The following B3GNT8 variants were observed in gnomAD, a reference collection of about 807,000 sequenced individuals.
B3GNT8 encodes UDP-GlcNAc:betaGal beta-1,3-N-acetylglucosaminyltransferase 8, also known as N-acetyllactosaminide beta-1,3-N-acetylglucosaminyltransferase 8.
For synonymous variants in B3GNT8, 258 were observed against 238.3 expected (o/e 1.08, Z -0.76); for missense variants, 502 against 530.5 (o/e 0.95, Z 0.53).
rs368471995 is a variant in B3GNT8 at position 41,426,001 on chromosome 19, G to A, written c.778C>T (p.Leu260=). 7.8e-5 allele frequency: 125 copies of A among 1,611,982 alleles called. No homozygotes were observed. The highest frequency in any genetic ancestry group is 1.0e-4 in the Non-Finnish European group (120 of 1,178,892). Residue 260 remains leucine (L), a synonymous_variant, in exon 2 of 2, where the codon CTG becomes TTG. Transcript: ENST00000691102. The surrounding 1 kb of genome is among the most constrained non-coding windows in gnomAD (Gnocchi z 4.9). The part of the protein sequence containing the change: ...FVHTPALLAH[L]RALPPASARS... ...GCCGAGGCAGGTGGCAGGGCCCGCA[G>A]GTGAGCCAGCAGGGCAGGGGTGTGT...
chr19:41,426,378 C>T lies in B3GNT8; in HGVS notation c.401G>A (p.Gly134Asp). ...CRSFPQWLPG[G>D]GGSQVSSCSD... ...GCAGCTGGAGACTTGGCTGCCACCA[C>T]CTCCAGGCAGCCACTGTGGGAAGCT... Residue 134 changes from glycine (G) to aspartate (D), a missense_variant, in exon 2 of 2, where the codon GGT (glycine) becomes GAT (aspartate). By Grantham distance (94) the Gly-to-Asp change is moderately conservative. Transcript: ENST00000691102. The surrounding 1 kb of genome is among the most constrained non-coding windows in gnomAD (Gnocchi z 4.9). 2 of 1,612,842 alleles carry T rather than the reference C, an allele frequency of 1.2e-6. No individual in the cohort carries two copies. The highest frequency in any genetic ancestry group is 1.7e-6 in the Non-Finnish European group (2 of 1,180,004).
rs1568510741 is a variant in B3GNT8, at chr19:41,426,491, A to G, written c.288T>C (p.Ala96=). 5 of 1,599,078 alleles carry G rather than the reference A, an allele frequency of 3.1e-6. No individual in the cohort carries two copies. Among genetic ancestry groups the G allele is most frequent in the Non-Finnish European group, 4.3e-6 (5 of 1,172,524 alleles). ...TCTCGGTGGCGGCGGCGGCCCCCCAAGCCTGGCAGCCCCCCGTTTCAGTGC... is the reference window on the plus strand; with the variant it reads ...TCTCGGTGGCGGCGGCGGCCCCCCAGGCCTGGCAGCCCCCCGTTTCAGTGC... ...GDSTETGGCQ[A]WGAAAATEIP... is the part of the protein sequence containing the mutation. The change falls in exon 2 of 2, where the codon GCT becomes GCC. Residue 96 remains alanine (A), a synonymous_variant. Transcript: ENST00000691102. The surrounding 1 kb of genome is among the most constrained non-coding windows in gnomAD (Gnocchi z 4.9).
Position 41,426,629 on chromosome 19 carries a change from A to G in B3GNT8, c.150T>C (p.Pro50=). 2 of 1,613,056 alleles carry G rather than the reference A, an allele frequency of 1.2e-6. No homozygotes were observed. Among genetic ancestry groups the G allele is most frequent in the Non-Finnish European group, 1.7e-6 (2 of 1,179,600 alleles). The change falls in exon 2 of 2, where the codon CCT becomes CCC. Residue 50 remains proline, a synonymous_variant. Transcript: ENST00000691102. The surrounding 1 kb of genome is among the most constrained non-coding windows in gnomAD (Gnocchi z 4.9). ...AGAGGTTGGCAGGTAGGGTGGGCTC[A>G]GGGTTGGCTGGCGTGGGGCTTGGCG... ...GTPPSPTPAN[P]EPTLPANLST... is the part of the protein sequence containing the mutation.
At chr19:41,428,493 G>A (rs2039456168), upstream of B3GNT8, 1 of 152,628 alleles carries the variant, frequency 6.6e-6, no homozygotes, top group African/African-American at 2.4e-5. The surrounding 1 kb of genome is among the most constrained non-coding windows in gnomAD (Gnocchi z 6.1). Context: ...TGCCCTCCAG[G>A]GGCCCCTGCT....
upstream of B3GNT8, among the ~76,000 whole-genome samples, chr19:41,427,758 G>A (rs148617798): frequency 2.5e-3 from 380 of 152,232 alleles, 1 homozygote; most frequent in South Asian, 0.013. This position sits in a 1 kb window ranked among gnomAD's most constrained non-coding sequence, Gnocchi z 5.6. Flanking sequence ...TGAGAGGCTG[G>A]CGCCCGGCTG....
Position 41,425,918 on chromosome 19 carries a change from T to C in B3GNT8, c.861A>G (p.Gly287=), listed in dbSNP as rs1489952202. The change falls in exon 2 of 2, where the codon GGA becomes GGG. Residue 287 remains glycine, a synonymous_variant. Coordinates refer to ENST00000691102, the MANE Select transcript of B3GNT8 (RefSeq NM_001385648.2). ...AGGACTCGGGCACATAGAAGGGTCCTCCTGGCTTCCGGAGAGGCATGGCCT... is the reference window on the plus strand; with the variant it reads ...AGGACTCGGGCACATAGAAGGGTCCCCCTGGCTTCCGGAGAGGCATGGCCT... ...FTQAMPLRKP[G]GPFYVPESFF... 6.2e-7 allele frequency: 1 copy of C among 1,613,230 alleles called. No homozygotes were observed. The highest frequency in any genetic ancestry group is 8.5e-7 in the Non-Finnish European group (1 of 1,180,012).
Position 41,425,882 on chromosome 19 carries a change from A to G in B3GNT8, c.897T>C (p.Gly299=). ...CCCCGCTTGCATAGGCTGGGTAGCCACCTTCGAAGAAGGACTCGGGCACAT... is the reference window on the plus strand; with the variant it reads ...CCCCGCTTGCATAGGCTGGGTAGCCGCCTTCGAAGAAGGACTCGGGCACAT... ...PFYVPESFFE[G]GYPAYASGGG... is the part of the protein sequence containing the mutation. The change falls in exon 2 of 2, where the codon GGT becomes GGC. Residue 299 remains glycine (G), a synonymous_variant. Transcript: ENST00000691102. 1.2e-6 allele frequency: 2 copies of G among 1,613,110 alleles called. No individual in the cohort carries two copies. Among genetic ancestry groups the G allele is most frequent in the South Asian group, 2.2e-5 (2 of 91,086 alleles).
In B3GNT8 at chr19:41,426,799, C is replaced by T. The variant is rs761868568; in HGVS notation, c.-21G>A. ...CGCATGACCCGGCCCAGGGAAGGGG[C>T]GGCCGCGGGAGCTACAAGGGAGCCA... is the stretch of plus-strand genomic sequence containing the variant. On this transcript the variant is annotated 5_prime_UTR_variant, in exon 2 of 2. Transcript: ENST00000691102. The surrounding 1 kb of genome is among the most constrained non-coding windows in gnomAD (Gnocchi z 4.9). The T allele has an allele frequency of 3.7e-6, 6 of 1,606,040 alleles. No homozygotes were observed. Among genetic ancestry groups the T allele is most frequent in the South Asian group, 2.2e-5 (2 of 90,886 alleles).
rs895898328 is a variant in B3GNT8 at position 41,426,988 on chromosome 19, G to GT, written c.-32-179dup. ...ACAGCTCCCCTGACCCAGGGACCTC[G>GT]TTGGTCCTTATTCCTAGACCTAGGA... On this transcript the variant is annotated intron_variant, in intron 1 of 1. Transcript: ENST00000691102. This position sits in a 1 kb window ranked among gnomAD's most constrained non-coding sequence, Gnocchi z 4.9. 6.6e-6 allele frequency among the ~76,000 whole-genome samples: 1 copy of GT among 152,118 alleles called. No individual in the cohort carries two copies. The highest frequency in any genetic ancestry group is 1.5e-5 in the Non-Finnish European group (1 of 68,010).
chr19:41,425,946 G>A lies in B3GNT8; in HGVS notation c.833C>T (p.Thr278Ile), dbSNP rs370096077. The A allele has an allele frequency of 1.1e-5, 17 of 1,613,186 alleles. No individual in the cohort carries two copies. Among genetic ancestry groups the A allele is most frequent in the Middle Eastern group, 1.6e-4 (1 of 6,082 alleles). The change falls in exon 2 of 2, where the codon ACC becomes ATC. Residue 278 changes from threonine (T) to isoleucine (I), a missense_variant. By Grantham distance (89) the Thr-to-Ile change is moderately conservative. Transcript: ENST00000691102. ...TGGCTTCCGGAGAGGCATGGCCTGG[G>A]TAAAGACCTCACCCAGGTAGAGGCT... ...ARSLYLGEVF[T>I]QAMPLRKPGG... is the part of the protein sequence containing the mutation.
rs750014215 is a variant in B3GNT8, at chr19:41,426,469, CGGT to C, written c.307_309del (p.Thr103del). On this transcript the variant is annotated inframe_deletion, in exon 2 of 2. Coordinates refer to ENST00000691102, the MANE Select transcript of B3GNT8 (RefSeq NM_001385648.2). This position sits in a 1 kb window ranked among gnomAD's most constrained non-coding sequence, Gnocchi z 4.9. The stretch of plus-strand genomic sequence containing the variant: ...GGGTAGGAGGCGAAGTCAGGGATCT[CGGT>C]GGCGGCGGCGGCCCCCCAAGCCTGG... 8 of 1,603,738 alleles carry C rather than the reference CGGT, an allele frequency of 5.0e-6. No homozygotes were observed. The African/African-American group carries it at 5.3e-5, about 11-fold the overall frequency.
Position 41,426,977 on chromosome 19 carries a change from C to T in B3GNT8, c.-32-167G>A, listed in dbSNP as rs991583905. Among the ~76,000 whole-genome samples the T allele has an allele frequency of 6.6e-6, 1 of 152,170 alleles. No homozygotes were observed. Among genetic ancestry groups the T allele is most frequent in the Non-Finnish European group, 1.5e-5 (1 of 68,026 alleles). On this transcript the variant is annotated intron_variant, in intron 1 of 1. Transcript: ENST00000691102. The surrounding 1 kb of genome is among the most constrained non-coding windows in gnomAD (Gnocchi z 4.9). ...CCAGATCCTAAACAGCTCCCCTGACCCAGGGACCTCGTTGGTCCTTATTCC... is the reference window on the plus strand; with the variant it reads ...CCAGATCCTAAACAGCTCCCCTGACTCAGGGACCTCGTTGGTCCTTATTCC...
rs2039418872 is a variant in B3GNT8, at chr19:41,425,419, C to T, written c.*166G>A. 4.2e-6 allele frequency: 2 copies of T among 477,914 alleles called. No individual in the cohort carries two copies. Among genetic ancestry groups the T allele is most frequent in the Non-Finnish European group, 7.1e-6 (2 of 281,360 alleles). The allele number at this position is 477,914 out of a possible 1,614,324, so 29.6% of individuals were successfully genotyped here. A position where few individuals can be genotyped will look rare whatever the true frequency, so the allele number is the denominator to read the frequency against. ...AGTAGGCAAAAACAGTCCACCACCC[C>T]ATCTTTCCTGCCCAGGCCCCTGGCT... is the stretch of plus-strand genomic sequence containing the variant. On this transcript the variant is annotated 3_prime_UTR_variant, in exon 2 of 2. Coordinates refer to ENST00000691102, the MANE Select transcript of B3GNT8 (RefSeq NM_001385648.2).
At position 41,426,354 on chromosome 19, in the gene B3GNT8, C is replaced by T; in HGVS notation, c.425G>A (p.Cys142Tyr). 1 of 1,613,190 alleles carries T rather than the reference C, an allele frequency of 6.2e-7. No individual in the cohort carries two copies. The highest frequency in any genetic ancestry group is 8.5e-7 in the Non-Finnish European group (1 of 1,180,016). ...PGGGGSQVSS[C>Y]SDTDVPYLLL... is the part of the protein sequence containing the mutation. ...CAGGTAGGGGACATCAGTATCTGAG[C>T]AGCTGGAGACTTGGCTGCCACCACC... Residue 142 changes from cysteine to tyrosine, a missense_variant, in exon 2 of 2, where the codon TGC (cysteine) becomes TAC (tyrosine). Cys to Tyr is a radical substitution (Grantham distance 194, BLOSUM62 -2). Coordinates refer to ENST00000691102, the MANE Select transcript of B3GNT8 (RefSeq NM_001385648.2). This position sits in a 1 kb window ranked among gnomAD's most constrained non-coding sequence, Gnocchi z 4.9.
At position 41,426,955 on chromosome 19, in the gene B3GNT8, G is replaced by A; in HGVS notation, c.-32-145C>T. On this transcript the variant is annotated intron_variant, in intron 1 of 1. Transcript: ENST00000691102. This position sits in a 1 kb window ranked among gnomAD's most constrained non-coding sequence, Gnocchi z 4.9. ...CCCATAACAGATTCTCTCGGTCCCA[G>A]ATCCTAAACAGCTCCCCTGACCCAG... The A allele has an allele frequency of 1.4e-6, 1 of 695,406 alleles. No individual in the cohort carries two copies. Among genetic ancestry groups the A allele is most frequent in the South Asian group, 1.8e-5 (1 of 55,326 alleles). 43.1% of individuals were successfully genotyped at this position (695,406 alleles called of 1,614,324 possible). A position where few individuals can be genotyped will look rare whatever the true frequency, so the allele number is the denominator to read the frequency against.
In B3GNT8 at chr19:41,426,808, G is replaced by A; in HGVS notation, c.-30C>T. 1.9e-6 allele frequency: 3 copies of A among 1,602,074 alleles called. No individual in the cohort carries two copies. The highest frequency in any genetic ancestry group is 2.5e-6 in the Non-Finnish European group (3 of 1,177,772). ...CGGCCCAGGGAAGGGGCGGCCGCGG[G>A]AGCTACAAGGGAGCCACAGGGGAGC... On this transcript the variant is annotated splice_region_variant and 5_prime_UTR_variant, in exon 2 of 2. Transcript: ENST00000691102. The surrounding 1 kb of genome is among the most constrained non-coding windows in gnomAD (Gnocchi z 4.9).
rs2039436699 is a variant in B3GNT8, at chr19:41,426,465, A to G, written c.314T>C (p.Ile105Thr). Residue 105 changes from isoleucine to threonine, a missense_variant, in exon 2 of 2, where the codon ATC (isoleucine) becomes ACC (threonine). Coordinates refer to ENST00000691102, the MANE Select transcript of B3GNT8 (RefSeq NM_001385648.2). The surrounding 1 kb of genome is among the most constrained non-coding windows in gnomAD (Gnocchi z 4.9). The stretch of plus-strand genomic sequence containing the variant: ...CTTGGGGTAGGAGGCGAAGTCAGGG[A>G]TCTCGGTGGCGGCGGCGGCCCCCCA... ...QAWGAAAATE[I>T]PDFASYPKDL... is the part of the protein sequence containing the mutation. The G allele has an allele frequency of 1.9e-6, 3 of 1,605,798 alleles. No homozygotes were observed. In the African/African-American group the frequency reaches 4.0e-5, roughly 21 times the overall value.
chr19:41,426,615 G>T lies in B3GNT8; in HGVS notation c.164C>A (p.Pro55His). The T allele has an allele frequency of 6.2e-7, 1 of 1,612,252 alleles. No homozygotes were observed. Among genetic ancestry groups the T allele is most frequent in the Non-Finnish European group, 8.5e-7 (1 of 1,179,222 alleles). The change falls in exon 2 of 2, where the codon CCT becomes CAT. Residue 55 changes from proline (P) to histidine (H), a missense_variant. Coordinates refer to ENST00000691102, the MANE Select transcript of B3GNT8 (RefSeq NM_001385648.2). This position sits in a 1 kb window ranked among gnomAD's most constrained non-coding sequence, Gnocchi z 4.9. ...GCCCAGGCGGGTGGAGAGGTTGGCA[G>T]GTAGGGTGGGCTCAGGGTTGGCTGG... ...PTPANPEPTL[P>H]ANLSTRLGQT...
chr19:41,426,190 AGTCTAG>A lies in B3GNT8; in HGVS notation c.583_588del (p.Leu195_Asp196del). ...CGACGGCTCTCCCAGGCCACTAGTG[AGTCTAG>A]GTCAGGCCCCGCCTCACCCACCGGA... On this transcript the variant is annotated inframe_deletion, in exon 2 of 2. Transcript: ENST00000691102. This position sits in a 1 kb window ranked among gnomAD's most constrained non-coding sequence, Gnocchi z 4.9. 1 of 1,613,674 alleles carries A rather than the reference AGTCTAG, an allele frequency of 6.2e-7. No homozygotes were observed. The highest frequency in any genetic ancestry group is 8.5e-7 in the Non-Finnish European group (1 of 1,179,902).
Sources: gnomAD v4.1 joint callset for allele counts (sites outside exome capture counted in the v4.1 genomes callset) on GRCh38, gnomAD v4.1.1 for gene constraint, Gnocchi (gnomAD v3.1) non-coding constraint, MANE v1.5 for transcripts, NCBI Gene and HGNC (gene_info 2026-07-23, HGNC 2026-07-21) for gene names.